The following ATP11A variants were observed in gnomAD, a reference collection of about 807,000 sequenced individuals.
ATP11A encodes ATPase phospholipid transporting 11A.
ATP11A carries 81 observed loss-of-function variants against 154.4 expected under a neutral mutation model. That is an observed-to-expected ratio of 0.52 (90% confidence interval 0.44 to 0.63). ATP11A has a LOEUF of 0.63. ATP11A is among the 30% of genes least tolerant of loss of function. The pLI is 0.00. For synonymous variants in ATP11A, 623 were observed against 585.9 expected (o/e 1.06, Z -0.91); for missense variants, 1,316 against 1,474.3 (o/e 0.89, Z 1.76).
At chr13:112,777,623 A>G (rs2077379876) in intron 1 of ATP11A, among the ~76,000 whole-genome samples, 1 of 152,224 alleles carries the variant, frequency 6.6e-6, no homozygotes, top group South Asian at 2.1e-4. Context: ...CTGCCCAGGT[A>G]GCTGCATTGA....
chr13:112,849,507 T>A lies in ATP11A; in HGVS notation c.1810-1530T>A, dbSNP rs546377156. Among the ~76,000 whole-genome samples, 3 of 152,378 alleles carry A rather than the reference T, an allele frequency of 2.0e-5. No individual in the cohort carries two copies. The South Asian group carries it at 6.2e-4, about 32-fold the overall frequency. On this transcript the variant is annotated intron_variant, in intron 17 of 29. Coordinates refer to ENST00000375645, the MANE Select transcript of ATP11A (RefSeq NM_015205.3). ...GTTCTGGGACCATTTTGGGTTATTA[T>A]CCTGTAAAACCATTTTCTTGTTATG... is the stretch of plus-strand genomic sequence containing the variant.
In ATP11A at chr13:112,747,820, A is replaced by G. The variant is rs537060346; in HGVS notation, c.40-37315A>G. ...CATTGCACTCCATTCGGACGGACAGAGTGTAAGACTCCATCTCAAAAAAAA... is the reference window on the plus strand; with the variant it reads ...CATTGCACTCCATTCGGACGGACAGGGTGTAAGACTCCATCTCAAAAAAAA... On this transcript the variant is annotated intron_variant, in intron 1 of 29. Transcript: ENST00000375645. Among the ~76,000 whole-genome samples, 63 of 151,368 alleles carry G rather than the reference A, an allele frequency of 4.2e-4. 1 individual carries two copies. In the South Asian group the frequency reaches 6.0e-3, roughly 14 times the overall value.
chr13:112,785,046 C>A lies in ATP11A; in HGVS notation c.40-89C>A. 5 of 1,356,024 alleles carry A rather than the reference C, an allele frequency of 3.7e-6. No homozygotes were observed. Among genetic ancestry groups the A allele is most frequent in the Non-Finnish European group, 4.8e-6 (5 of 1,044,532 alleles). The allele number at this position is 1,356,024 out of a possible 1,614,324, so 84.0% of individuals were successfully genotyped here. On this transcript the variant is annotated intron_variant, in intron 1 of 29. Transcript: ENST00000375645. The surrounding 1 kb of genome is among the most constrained non-coding windows in gnomAD (Gnocchi z 4.8). Reference sequence around the variant, plus strand: ...CAGCAGCAGGTACAGGTCTCCGTTCCGACGAACGTGCCTCAAGGCAACACT... The same window carrying A: ...CAGCAGCAGGTACAGGTCTCCGTTCAGACGAACGTGCCTCAAGGCAACACT...
intron 1 of ATP11A, among the ~76,000 whole-genome samples, chr13:112,784,505 G>T (rs576055983): frequency 6.6e-6 from 1 of 150,412 alleles, no homozygotes; most frequent in Non-Finnish European, 1.5e-5. Flanking sequence ...GAAGCCTTAC[G>T]ATTTGGCCAC....
At chr13:112,779,673 G>T (rs1219317367) in intron 1 of ATP11A, among the ~76,000 whole-genome samples, 1 of 152,172 alleles carries the variant, frequency 6.6e-6, no homozygotes, top group Non-Finnish European at 1.5e-5. Context: ...CAGCACTTTG[G>T]GAGGCTGAGG....
At chr13:112,727,968 G>T (rs1226196111) in intron 1 of ATP11A, among the ~76,000 whole-genome samples, 1 of 152,222 alleles carries the variant, frequency 6.6e-6, no homozygotes, top group Non-Finnish European at 1.5e-5. Flanking sequence ...TAGGGTTCCA[G>T]CAAGGGCCGT....
intron 5 of ATP11A, among the ~76,000 whole-genome samples, chr13:112,813,484 C>T (rs971296113): frequency 1.3e-5 from 2 of 152,312 alleles, no homozygotes; most frequent in Non-Finnish European, 2.9e-5. Flanking sequence ...ATGATGGGGG[C>T]GTACTGCAGT....
intron 25 of ATP11A, among the ~76,000 whole-genome samples, chr13:112,866,302 C>T (rs1303668736): frequency 6.6e-6 from 1 of 152,156 alleles, no homozygotes; most frequent in African/African-American, 2.4e-5. Context: ...CCGCTGCTGC[C>T]CCACACACCC....
At chr13:112,766,327 G>A (rs1387524683) in intron 1 of ATP11A, among the ~76,000 whole-genome samples, 1 of 152,222 alleles carries the variant, frequency 6.6e-6, no homozygotes, top group East Asian at 1.9e-4. Flanking sequence ...GAAGAGGGAT[G>A]AGTAAGGGGC....
At chr13:112,791,608 C>T (rs2077860254) in intron 2 of ATP11A, among the ~76,000 whole-genome samples, 2 of 152,210 alleles carry the variant, frequency 1.3e-5, no homozygotes, top group Admixed American at 6.5e-5. Context: ...CACTCCTGAC[C>T]CCTCTGCTGT....
chr13:112,855,113 TGTTAA>T (rs1394760814), intron 19 of ATP11A, among the ~76,000 whole-genome samples: 1 of 152,236 alleles, frequency 6.6e-6, no homozygotes, highest in African/African-American at 2.4e-5. Flanking sequence ...TTTACACAAA[TGTTAA>T]GTTATTCATA....
rs928085665 is a variant in ATP11A, at chr13:112,859,976, C to T, written c.2728-311C>T. Among the ~76,000 whole-genome samples the T allele has an allele frequency of 1.1e-4, 17 of 152,180 alleles. No homozygotes were observed. Among genetic ancestry groups the T allele is most frequent in the African/African-American group, 4.1e-4 (17 of 41,514 alleles). On this transcript the variant is annotated intron_variant, in intron 23 of 29. Transcript: ENST00000375645. The surrounding 1 kb of genome is among the most constrained non-coding windows in gnomAD (Gnocchi z 4.3). ...CAGCTGCCTTCATGGGAAGTGACTG[C>T]GACCAGAGTCACTGAAGCTTGAAGA... is the stretch of plus-strand genomic sequence containing the variant.
intron 29 of ATP11A, among the ~76,000 whole-genome samples, chr13:112,879,047 C>T (rs2080810848): frequency 6.6e-6 from 1 of 152,244 alleles, no homozygotes; most frequent in South Asian, 2.1e-4. Context: ...CGGTGGTGTC[C>T]ATGATAAGAG....
chr13:112,882,768 C>A lies in ATP11A; in HGVS notation c.*902C>A, dbSNP rs986706718. On this transcript the variant is annotated 3_prime_UTR_variant, in exon 30 of 30. Transcript: ENST00000375645. The surrounding 1 kb of genome is among the most constrained non-coding windows in gnomAD (Gnocchi z 5.1). ...GCACGGAGCCGTCAGTCCACTGTTACGGGAGAATGTTGATTTCGCGGGTGC... is the reference window on the plus strand; with the variant it reads ...GCACGGAGCCGTCAGTCCACTGTTAAGGGAGAATGTTGATTTCGCGGGTGC... The A allele has an allele frequency of 2.5e-6, 1 of 399,452 alleles. No homozygotes were observed. Among genetic ancestry groups the A allele is most frequent in the Non-Finnish European group, 4.4e-6 (1 of 226,784 alleles). 24.7% of individuals were successfully genotyped at this position (399,452 alleles called of 1,614,324 possible).
intron 1 of ATP11A, among the ~76,000 whole-genome samples, chr13:112,704,370 T>C (rs1399984551): frequency 6.6e-6 from 1 of 152,016 alleles, no homozygotes; most frequent in Non-Finnish European, 1.5e-5. Context: ...TACTTTGCGC[T>C]CTCTTTCACT....
rs577527096 is a variant in ATP11A, at chr13:112,798,657, T to TA, written c.163-6294dup. ...TAGTGCAACCACTAAGTAATTTTTTTAAAAAATAAGTATAGTTGATATTCT... is the reference window on the plus strand; with the variant it reads ...TAGTGCAACCACTAAGTAATTTTTTTAAAAAAATAAGTATAGTTGATATTCT... On this transcript the variant is annotated intron_variant, in intron 2 of 29. Coordinates refer to ENST00000375645, the MANE Select transcript of ATP11A (RefSeq NM_015205.3). Among the ~76,000 whole-genome samples, 819 of 152,256 alleles carry TA rather than the reference T, an allele frequency of 5.4e-3. 6 individuals carry two copies. The highest frequency in any genetic ancestry group is 0.018 in the African/African-American group (739 of 41,534).
intron 16 of ATP11A, among the ~76,000 whole-genome samples, chr13:112,841,608 C>T (rs985352138): frequency 3.3e-5 from 5 of 151,832 alleles, no homozygotes; most frequent in Admixed American, 6.6e-5. Context: ...GGCAGAGTGC[C>T]ACGTGGCTTC....
intron 2 of ATP11A, among the ~76,000 whole-genome samples, chr13:112,791,387 C>T (rs1213507788): frequency 6.6e-6 from 1 of 152,250 alleles, no homozygotes; most frequent in Admixed American, 6.5e-5. Context: ...TGGGGCGGAG[C>T]TCGCCCGACA....
rs1594762161 is a variant in ATP11A, at chr13:112,807,849, C to T, written c.333+1556C>T. Among the ~76,000 whole-genome samples, 1 of 152,088 alleles carries T rather than the reference C, an allele frequency of 6.6e-6. No homozygotes were observed. The highest frequency in any genetic ancestry group is 2.1e-4 in the South Asian group (1 of 4,824). On this transcript the variant is annotated intron_variant, in intron 4 of 29. Coordinates refer to ENST00000375645, the MANE Select transcript of ATP11A (RefSeq NM_015205.3). The surrounding 1 kb of genome is among the most constrained non-coding windows in gnomAD (Gnocchi z 4.5). ...TCAAGGGGAGCAGAGAGAAGGGGCG[C>T]GGGGGTGCAGAACAAGGGGCTGAGG...
Sources: gnomAD v4.1 joint callset for allele counts (sites outside exome capture counted in the v4.1 genomes callset) on GRCh38, gnomAD v4.1.1 for gene constraint, Gnocchi (gnomAD v3.1) non-coding constraint, MANE v1.5 for transcripts, NCBI Gene and HGNC (gene_info 2026-07-23, HGNC 2026-07-21) for gene names.